NRCAM: variants seen among roughly 807,000 people sequenced by gnomAD.
The protein encoded by NRCAM is NgCAM-related cell adhesion molecule.
In NRCAM, 83 loss-of-function variants were observed where a neutral mutation model predicts 156.5. That is an observed-to-expected ratio of 0.53 (90% CI 0.44 to 0.64). The LOEUF is 0.64. Ranked by LOEUF, NRCAM falls within the 30% of genes least tolerant of loss-of-function variation. The probability of loss-of-function intolerance (pLI) is 0.00; values close to 1 mark genes in which losing one functional copy is unlikely to be tolerated. For synonymous variants in NRCAM, 538 were observed against 563.9 expected (o/e 0.95, Z 0.65); for missense variants, 1,417 against 1,597.3 (o/e 0.89, Z 1.92).
chr7:108,428,763 T>G, intron 1 of NRCAM, among the ~76,000 whole-genome samples: 1 of 152,362 alleles, frequency 6.6e-6, no homozygotes, highest in South Asian at 2.1e-4. Flanking sequence ...TTTGAAATTT[T>G]TCATACTTTT....
At chr7:108,338,702 ATAG>A (rs1490678049) in intron 2 of NRCAM, among the ~76,000 whole-genome samples, 2 of 152,268 alleles carry the variant, frequency 1.3e-5, no homozygotes, top group Admixed American at 6.5e-5. Flanking sequence ...AGAAAAAGAA[ATAG>A]TAGAAAAAAA....
At chr7:108,269,127 G>T (rs1441336469) in intron 3 of NRCAM, among the ~76,000 whole-genome samples, 2 of 149,784 alleles carry the variant, frequency 1.3e-5, no homozygotes, top group South Asian at 2.1e-4. Flanking sequence ...GGCCAGGGAG[G>T]CATCAAAAAC....
In NRCAM at chr7:108,181,803, A is replaced by T; in HGVS notation, c.2646+19T>A. On this transcript the variant is annotated intron_variant, in intron 24 of 32. Transcript: ENST00000379028. Reference sequence around the variant, plus strand: ...CAGCCCTTACTAAATAAAGCCACAAAAGGTCCCCTTTCACTTGCCCGATAG... The same window carrying T: ...CAGCCCTTACTAAATAAAGCCACAATAGGTCCCCTTTCACTTGCCCGATAG... 2 of 1,572,348 alleles carry T rather than the reference A, an allele frequency of 1.3e-6. No homozygotes were observed. Among genetic ancestry groups the T allele is most frequent in the South Asian group, 2.2e-5 (2 of 89,740 alleles).
rs976168484 is a variant in NRCAM, at chr7:108,278,429, G to A, written c.-107+34236C>T. Among the ~76,000 whole-genome samples the A allele has an allele frequency of 1.1e-4, 16 of 152,158 alleles. 1 individual carries two copies. The highest frequency in any genetic ancestry group is 3.9e-4 in the African/African-American group (16 of 41,450). On this transcript the variant is annotated intron_variant, in intron 3 of 32. Coordinates refer to ENST00000379028, the MANE Select transcript of NRCAM (RefSeq NM_001037132.4). ...GCTTCCCTGCCACTTTGTTTACACG[G>A]TGAGCACAGAACCAGCTACTCAAGC...
At chr7:108,322,961 A>T (rs537446693) in intron 2 of NRCAM, among the ~76,000 whole-genome samples, 22 of 152,310 alleles carry the variant, frequency 1.4e-4, no homozygotes, top group African/African-American at 5.3e-4. Flanking sequence ...TGTGTACAAA[A>T]TGGGGTTAAT....
At chr7:108,225,127 T>C (rs2093220174) in intron 10 of NRCAM, among the ~76,000 whole-genome samples, 1 of 152,206 alleles carries the variant, frequency 6.6e-6, no homozygotes, top group Non-Finnish European at 1.5e-5. Flanking sequence ...TTGAAGACAG[T>C]GACTTGGTTT....
At chr7:108,292,004 G>A (rs916081976) in intron 3 of NRCAM, among the ~76,000 whole-genome samples, 10 of 152,200 alleles carry the variant, frequency 6.6e-5, no homozygotes, top group South Asian at 2.1e-4. Flanking sequence ...CTGGGGCCCC[G>A]CTTAAACAGT....
At chr7:108,426,184 G>A (rs775451095) in intron 1 of NRCAM, among the ~76,000 whole-genome samples, 8 of 152,180 alleles carry the variant, frequency 5.3e-5, no homozygotes, top group Non-Finnish European at 8.8e-5. Flanking sequence ...ATGTGGTTAT[G>A]TGTCTAATTT....
At chr7:108,305,203 A>G (rs1049494960) in intron 3 of NRCAM, among the ~76,000 whole-genome samples, 1 of 152,200 alleles carries the variant, frequency 6.6e-6, no homozygotes, top group African/African-American at 2.4e-5. Context: ...TCCCAGTCAA[A>G]TAACTTATTA....
intron 2 of NRCAM, among the ~76,000 whole-genome samples, chr7:108,330,417 A>C (rs2099114844): frequency 6.6e-6 from 1 of 152,144 alleles, no homozygotes; most frequent in African/African-American, 2.4e-5. Flanking sequence ...GACCGAGCCT[A>C]ATCAGAATTA....
intron 3 of NRCAM, among the ~76,000 whole-genome samples, chr7:108,266,572 T>G (rs537118902): frequency 6.6e-6 from 1 of 152,302 alleles, no homozygotes; most frequent in African/African-American, 2.4e-5. Flanking sequence ...CTCAAAGAGA[T>G]AGAGTTCAAA....
chr7:108,440,901 C>A (rs545175689), intron 1 of NRCAM, among the ~76,000 whole-genome samples: 1 of 152,298 alleles, frequency 6.6e-6, no homozygotes, highest in African/African-American at 2.4e-5. Context: ...ACTCTGAGAA[C>A]CTTCAGCTTT....
chr7:108,156,067 C>A (rs920576200), intron 32 of NRCAM, among the ~76,000 whole-genome samples: 5 of 152,110 alleles, frequency 3.3e-5, no homozygotes, highest in African/African-American at 9.7e-5. Flanking sequence ...GCTCAAGTAA[C>A]ATTCATGACC....
chr7:108,451,219 CAA>C (rs143670293), intron 1 of NRCAM, among the ~76,000 whole-genome samples: 35 of 107,002 alleles, frequency 3.3e-4, no homozygotes, highest in Middle Eastern at 0.014. Context: ...ACTCCGTCTC[CAA>C]AAAAAAAAAA....
chr7:108,346,789 T>C (rs1167125988), intron 2 of NRCAM, among the ~76,000 whole-genome samples: 1 of 152,132 alleles, frequency 6.6e-6, no homozygotes, highest in African/African-American at 2.4e-5. Context: ...GCCCGTGAAA[T>C]GTGGCTGGTC....
chr7:108,195,394 C>T (rs942304344), intron 15 of NRCAM, among the ~76,000 whole-genome samples: 5 of 152,048 alleles, frequency 3.3e-5, no homozygotes, highest in African/African-American at 4.8e-5. Flanking sequence ...GAGGCTGAGG[C>T]GGGCGGATAA....
chr7:108,155,121 CACACACACACACACACACACACAT>C (rs2044459607), intron 32 of NRCAM, among the ~76,000 whole-genome samples: 1 of 146,562 alleles, frequency 6.8e-6, no homozygotes, highest in Non-Finnish European at 1.5e-5. Flanking sequence ...CACACACACA[CACACACACACACACACACACACAT>C]ATAGCAGACC....
intron 30 of NRCAM, among the ~76,000 whole-genome samples, chr7:108,162,756 A>G (rs1042928640): frequency 6.6e-6 from 1 of 152,252 alleles, no homozygotes; most frequent in Non-Finnish European, 1.5e-5. Context: ...TAAAATAGGC[A>G]GACACAATAT....
chr7:108,212,182 A>T (rs557679969), intron 11 of NRCAM, among the ~76,000 whole-genome samples: 35 of 152,230 alleles, frequency 2.3e-4, no homozygotes, highest in Non-Finnish European at 1.5e-4. Flanking sequence ...AGCCACATCC[A>T]TAGGAAAACG....
Sources: allele counts gnomAD v4.1 joint callset (sites outside exome capture counted in the v4.1 genomes callset), GRCh38; gene constraint gnomAD v4.1.1; transcripts MANE v1.5; gene names NCBI Gene and HGNC (gene_info 2026-07-23, HGNC 2026-07-21).